Variants in UGT2A1 observed in about 807,000 individuals in gnomAD.
UGT2A1 encodes the protein UDP glucuronosyltransferase family 2 member A1 complex locus.
UGT2A1 carries 61 observed loss-of-function variants against 45.4 expected under a neutral mutation model. That is an observed-to-expected ratio of 1.34 (90% CI 1.09 to 1.66). The LOEUF is 1.66. Ranked by LOEUF, UGT2A1 falls within the 40% of genes most tolerant of loss-of-function variation. UGT2A1 has a pLI of 0.00. For synonymous variants in UGT2A1, 229 were observed against 196.2 expected (o/e 1.17, Z -1.40); for missense variants, 649 against 574.3 (o/e 1.13, Z -1.33).
intron 3 of UGT2A1, among the ~76,000 whole-genome samples, chr4:69,613,223 G>A (rs956106515): frequency 1.3e-5 from 2 of 151,840 alleles, no homozygotes; most frequent in Admixed American, 6.6e-5. Flanking sequence ...TAGACCAATG[G>A]AATAGAATAA....
chr4:69,618,512 T>A lies in UGT2A1; in HGVS notation c.847+17179A>T, dbSNP rs181762346. ...GTCTATTTCTGCTGCCAAAAATAAA[T>A]TTATTTTAACCATGTGGCCGTTGAA... On this transcript the variant is annotated intron_variant, in intron 3 of 6. Transcript: ENST00000286604. Among the ~76,000 whole-genome samples the A allele has an allele frequency of 1.4e-3, 209 of 152,056 alleles. 7 individuals are homozygous for A. In the South Asian group the frequency reaches 0.041, roughly 30 times the overall value.
At chr4:69,601,191 G>A (rs114145407) in intron 3 of UGT2A1, among the ~76,000 whole-genome samples, 1,892 of 152,192 alleles carry the variant, frequency 0.012, 51 homozygotes, top group African/African-American at 0.044. Context: ...AGAGGCGGCT[G>A]CACTTCTCCC....
rs773937923 is a variant in UGT2A1 at position 69,647,064 on chromosome 4, G to C, written c.581C>G (p.Pro194Arg). Residue 194 changes from proline (P) to arginine (R), a missense_variant, in exon 2 of 7, where the codon CCT becomes CGT. Pro to Arg is a moderately radical substitution (Grantham distance 103, BLOSUM62 -2). Transcript: ENST00000286604. ...GKVPYPPSYV[P>R]AVLSELTDQM... The stretch of plus-strand genomic sequence containing the variant: ...GTCGGTGAGTTCTGATAAAACAGCA[G>C]GAACATAGGAAGGAGGGTATGGTAC... The C allele has an allele frequency of 3.1e-6, 5 of 1,612,878 alleles. No homozygotes were observed. The highest frequency in any genetic ancestry group is 1.7e-4 in the Middle Eastern group (1 of 6,050).
chr4:69,627,403 G>A (rs910519691), intron 3 of UGT2A1, among the ~76,000 whole-genome samples: 11 of 151,480 alleles, frequency 7.3e-5, no homozygotes, highest in Non-Finnish European at 1.5e-4. Context: ...ATGATTTTAT[G>A]CATAGATTAT....
chr4:69,606,997 G>T lies in UGT2A1; in HGVS notation c.848-7603C>A, dbSNP rs1205866118. The stretch of plus-strand genomic sequence containing the variant: ...TCGAGAAAATGGCCATACTGCCCAA[G>T]GTCATTTATAGATTCAATGCCATCC... On this transcript the variant is annotated intron_variant, in intron 3 of 6. Coordinates refer to ENST00000286604, the MANE Select transcript of UGT2A1 (RefSeq NM_001252275.3). Among the ~76,000 whole-genome samples, 2 of 135,898 alleles carry T rather than the reference G, an allele frequency of 1.5e-5. 1 individual carries two copies. The highest frequency in any genetic ancestry group is 3.1e-5 in the Non-Finnish European group (2 of 64,042). 89.2% of individuals were successfully genotyped at this position (135,898 alleles called of 152,430 possible).
At chr4:69,603,974 C>A (rs1219483989) in intron 3 of UGT2A1, among the ~76,000 whole-genome samples, 2 of 136,392 alleles carry the variant, frequency 1.5e-5, no homozygotes, top group East Asian at 2.1e-4. Context: ...GAGAATGGAA[C>A]CAAGTTGGAA....
At chr4:69,649,437 T>C (rs997170179) in intron 1 of UGT2A1, among the ~76,000 whole-genome samples, 3 of 152,126 alleles carry the variant, frequency 2.0e-5, no homozygotes, top group African/African-American at 7.2e-5. Flanking sequence ...TTCACTGATG[T>C]TATTTTCTTC....
At chr4:69,633,807 G>A (rs1721518136) in intron 3 of UGT2A1, among the ~76,000 whole-genome samples, 1 of 152,172 alleles carries the variant, frequency 6.6e-6, no homozygotes, top group African/African-American at 2.4e-5. Context: ...TGTGGGGACT[G>A]ATAAGCGGAT....
At chr4:69,630,351 T>C (rs1025127115) in intron 3 of UGT2A1, among the ~76,000 whole-genome samples, 1 of 152,052 alleles carries the variant, frequency 6.6e-6, no homozygotes, top group Non-Finnish European at 1.5e-5. Context: ...CTTTACTCTT[T>C]ATAACTCCCC....
chr4:69,649,732 T>C (rs1722435653), intron 1 of UGT2A1, among the ~76,000 whole-genome samples: 1 of 152,078 alleles, frequency 6.6e-6, no homozygotes, highest in Non-Finnish European at 1.5e-5. Context: ...AGCATGTTTC[T>C]TTCCTTTTTT....
chr4:69,630,856 C>T (rs1243715402), intron 3 of UGT2A1, among the ~76,000 whole-genome samples: 1 of 151,896 alleles, frequency 6.6e-6, no homozygotes, highest in African/African-American at 2.4e-5. Flanking sequence ...CACAAATATA[C>T]TATATATCAA....
intron 3 of UGT2A1, among the ~76,000 whole-genome samples, chr4:69,632,815 G>C (rs910410573): frequency 6.6e-6 from 1 of 151,692 alleles, no homozygotes; most frequent in Non-Finnish European, 1.5e-5. Context: ...TTGAACCCAG[G>C]AGGCGGGGGT....
chr4:69,640,696 T>C (rs1243036212), intron 2 of UGT2A1, among the ~76,000 whole-genome samples: 1 of 151,900 alleles, frequency 6.6e-6, no homozygotes, highest in African/African-American at 2.4e-5. Flanking sequence ...AATTATGTAA[T>C]TTCAGGCCCT....
At chr4:69,589,684 A>T in intron 6 of UGT2A1, 33 bp from the exon 7 acceptor site, 1 of 1,563,590 alleles carries the variant, frequency 6.4e-7, no homozygotes, top group Middle Eastern at 1.7e-4. Context: ...GAAATTAGAC[A>T]ATTTTTGTTT....
chr4:69,600,758 A>G (rs899089114), intron 3 of UGT2A1, among the ~76,000 whole-genome samples: 2 of 152,004 alleles, frequency 1.3e-5, no homozygotes, highest in African/African-American at 4.8e-5. Flanking sequence ...GTTGTTTTGC[A>G]TGATGGGAGC....
At chr4:69,608,655 G>A (rs897881117) in intron 3 of UGT2A1, among the ~76,000 whole-genome samples, 1 of 151,886 alleles carries the variant, frequency 6.6e-6, no homozygotes, top group African/African-American at 2.4e-5. Context: ...GCAAAGAAAT[G>A]GACTCAACTC....
chr4:69,590,380 T>C (rs780224090), intron 6 of UGT2A1, among the ~76,000 whole-genome samples: 3 of 152,180 alleles, frequency 2.0e-5, no homozygotes, highest in Non-Finnish European at 2.9e-5. Flanking sequence ...GATATCTACA[T>C]ATTTAAAAGG....
chr4:69,589,413 G>T lies in UGT2A1; in HGVS notation c.1543C>A (p.Gln515Lys). ...LVIQCCLFSC[Q>K]KFGKIGKKKK... ...TTCTTTCCTATCTTACCAAATTTTT[G>T]ACAGGAAAACAAACAACATTGTATG... The change falls in exon 7 of 7, where the codon CAA becomes AAA. Residue 515 changes from glutamine to lysine, a missense_variant. Physicochemically the swap from Gln to Lys is moderately conservative, Grantham distance 53. Transcript: ENST00000286604. 4 of 1,609,828 alleles carry T rather than the reference G, an allele frequency of 2.5e-6. No homozygotes were observed. The highest frequency in any genetic ancestry group is 3.4e-6 in the Non-Finnish European group (4 of 1,177,768).
At chr4:69,649,161 A>T (rs986283907) in intron 1 of UGT2A1, among the ~76,000 whole-genome samples, 4 of 152,134 alleles carry the variant, frequency 2.6e-5, no homozygotes, top group Non-Finnish European at 5.9e-5. Context: ...GTAATATCAT[A>T]AAAATGTCTC....
Sources: gnomAD v4.1 joint callset for allele counts (sites outside exome capture counted in the v4.1 genomes callset) on GRCh38, gnomAD v4.1.1 for gene constraint, MANE v1.5 for transcripts, NCBI Gene and HGNC (gene_info 2026-07-23, HGNC 2026-07-21) for gene names.